The following ZKSCAN1 variants were observed in gnomAD, a reference collection of about 807,000 sequenced individuals.
ZKSCAN1 encodes zinc finger with KRAB and SCAN domains 1.
In ZKSCAN1, 14 loss-of-function variants were observed where a neutral mutation model predicts 51.6. The observed-to-expected ratio is 0.27, with a 90% confidence interval of 0.18 to 0.42. ZKSCAN1 has a LOEUF of 0.42. Among genes scored for constraint, ZKSCAN1 ranks in the 10% least tolerant of loss-of-function variants. The pLI is 1.00. For missense variants in ZKSCAN1, 531 were observed against 710.0 expected (o/e 0.75, Z 2.86); for synonymous variants, 263 against 261.5 (o/e 1.01, Z -0.06).
At chr7:100,022,181 A>G (rs1790619808) in intron 1 of ZKSCAN1, among the ~76,000 whole-genome samples, 2 of 152,158 alleles carry the variant, frequency 1.3e-5, no homozygotes, top group Non-Finnish European at 2.9e-5. Flanking sequence ...CAGCCTCCCA[A>G]GTAGCTGGGA....
At chr7:100,022,888 G>A (rs910041685) in intron 1 of ZKSCAN1, among the ~76,000 whole-genome samples, 2 of 152,148 alleles carry the variant, frequency 1.3e-5, no homozygotes, top group African/African-American at 4.8e-5. Flanking sequence ...CAACCTGCAG[G>A]TAAATCACTC....
Position 100,023,606 on chromosome 7 carries a change from G to A in ZKSCAN1, c.100G>A (p.Glu34Lys). The A allele has an allele frequency of 6.2e-7, 1 of 1,613,976 alleles. No homozygotes were observed. The highest frequency in any genetic ancestry group is 8.5e-7 in the Non-Finnish European group (1 of 1,180,030). The change falls in exon 2 of 6, where the codon GAA becomes AAA. Residue 34 changes from glutamate to lysine, a missense_variant. Glu to Lys is a moderately conservative substitution (Grantham distance 56). Coordinates refer to ENST00000324306, the MANE Select transcript of ZKSCAN1 (RefSeq NM_003439.4). ...AGTGAAGGTGGAAGAGGAAGATGAG[G>A]AAGACCACATGTGGGGGCAGGATTC... ...VIVKVEEEDE[E>K]DHMWGQDSTL... is the part of the protein sequence containing the mutation.
At chr7:100,024,104 T>C (rs1790710703) in intron 2 of ZKSCAN1, 50 bp from the exon 3 acceptor site, 1 of 1,564,834 alleles carries the variant, frequency 6.4e-7, no homozygotes, top group Non-Finnish European at 8.6e-7. Flanking sequence ...AATATTTTAA[T>C]TCCCATTTAC....
intron 1 of ZKSCAN1, among the ~76,000 whole-genome samples, chr7:100,021,116 C>CT (rs60632908): frequency 0.032 from 2,716 of 85,384 alleles, 182 homozygotes; most frequent in African/African-American, 0.084. Context: ...TTTTTTTTTC[C>CT]TTTTTTTTTT....
chr7:100,025,768 A>G lies in ZKSCAN1; in HGVS notation c.580+1461A>G, dbSNP rs556219710. Among the ~76,000 whole-genome samples the G allele has an allele frequency of 4.4e-4, 67 of 152,214 alleles. 1 individual carries two copies. The highest frequency in any genetic ancestry group is 8.8e-4 in the Non-Finnish European group (60 of 68,044). On this transcript the variant is annotated intron_variant, in intron 3 of 5. Coordinates refer to ENST00000324306, the MANE Select transcript of ZKSCAN1 (RefSeq NM_003439.4). Reference sequence around the variant, plus strand: ...GTGGTAAGTATTTGTGTATCTAAACATCGAAAAAGTAAAAACAGAGTATAA... The same window carrying G: ...GTGGTAAGTATTTGTGTATCTAAACGTCGAAAAAGTAAAAACAGAGTATAA...
In ZKSCAN1 at chr7:100,041,078, C is replaced by T; in HGVS notation, c.*6881C>T. On this transcript the variant is annotated 3_prime_UTR_variant, in exon 6 of 6. Coordinates refer to ENST00000324306, the MANE Select transcript of ZKSCAN1 (RefSeq NM_003439.4). Reference sequence around the variant, plus strand: ...AATACAGATTTTACAACGAGGTCAGCATAAGCCTAAATCTATATAGAGGGC... The same window carrying T: ...AATACAGATTTTACAACGAGGTCAGTATAAGCCTAAATCTATATAGAGGGC... The T allele has an allele frequency of 1.1e-6, 1 of 950,780 alleles. No homozygotes were observed. The highest frequency in any genetic ancestry group is 1.3e-6 in the Non-Finnish European group (1 of 798,376). The allele number at this position is 950,780 out of a possible 1,614,324, so 58.9% of individuals were successfully genotyped here. A position where few individuals can be genotyped will look rare whatever the true frequency, so the allele number is the denominator to read the frequency against.
downstream of ZKSCAN1, chr7:100,044,784 C>G: frequency 1.0e-6 from 1 of 984,730 alleles, no homozygotes; most frequent in Non-Finnish European, 1.2e-6. Context: ...ATTTCTTTAG[C>G]AAATGTCTTT....
Position 100,036,910 on chromosome 7 carries a change from G to C in ZKSCAN1, c.*2713G>C. Reference sequence around the variant, plus strand: ...CTTTTGAGTTTTGTTTTTAAATGAAGGTTAAATGTGACCTGTGCCCTCACA... The same window carrying C: ...CTTTTGAGTTTTGTTTTTAAATGAACGTTAAATGTGACCTGTGCCCTCACA... On this transcript the variant is annotated 3_prime_UTR_variant, in exon 6 of 6. Transcript: ENST00000324306. 4 of 984,562 alleles carry C rather than the reference G, an allele frequency of 4.1e-6. No individual in the cohort carries two copies. The highest frequency in any genetic ancestry group is 4.8e-6 in the Non-Finnish European group (4 of 829,796). 61.0% of individuals were successfully genotyped at this position (984,562 alleles called of 1,614,324 possible).
chr7:100,040,696 A>C lies in ZKSCAN1; in HGVS notation c.*6499A>C. On this transcript the variant is annotated 3_prime_UTR_variant, in exon 6 of 6. Transcript: ENST00000324306. ...AACGGCCCCACACTCCAGGCTGAGA[A>C]AGAGTAATTAGGAGGCCTGAGGAGG... 1.0e-6 allele frequency: 1 copy of C among 985,440 alleles called. No individual in the cohort carries two copies. The highest frequency in any genetic ancestry group is 1.2e-6 in the Non-Finnish European group (1 of 829,952). The allele number at this position is 985,440 out of a possible 1,614,324, so 61.0% of individuals were successfully genotyped here. A position where few individuals can be genotyped will look rare whatever the true frequency, so the allele number is the denominator to read the frequency against.
Position 100,023,813 on chromosome 7 carries a change from C to T in ZKSCAN1, c.307C>T (p.Gln103Ter). ...EQILELLVLE[Q>*]FLSILPKELQ... ...GATCCTGGAGCTTCTGGTGCTAGAG[C>T]AGTTTCTTTCCATCCTGCCCAAGGA... The change falls in exon 2 of 6, where the codon CAG becomes TAG. Residue 103 changes from glutamine (Q) to a stop codon, truncating the protein, a stop_gained. Transcript: ENST00000324306. LOFTEE classifies it high-confidence loss of function. 1.9e-6 allele frequency: 3 copies of T among 1,614,188 alleles called. No individual in the cohort carries two copies. The highest frequency in any genetic ancestry group is 2.5e-6 in the Non-Finnish European group (3 of 1,180,034).
intron 3 of ZKSCAN1, among the ~76,000 whole-genome samples, chr7:100,027,439 T>C (rs1790889789): frequency 6.6e-6 from 1 of 152,048 alleles, no homozygotes; most frequent in Non-Finnish European, 1.5e-5. Flanking sequence ...AGGTATGTGC[T>C]AGAGAAAGCT....
chr7:100,016,071 C>T (rs1790347585), intron 1 of ZKSCAN1, among the ~76,000 whole-genome samples: 2 of 152,322 alleles, frequency 1.3e-5, no homozygotes, highest in Admixed American at 6.5e-5. Context: ...GAACCGACCC[C>T]GGTCTTGATT....
chr7:100,042,696 T>C (rs564379613), downstream of ZKSCAN1, among the ~76,000 whole-genome samples: 1 of 151,216 alleles, frequency 6.6e-6, no homozygotes, highest in East Asian at 1.9e-4. Context: ...TATATTTTTA[T>C]TATATATACA....
chr7:100,036,892 G>A lies in ZKSCAN1; in HGVS notation c.*2695G>A. The A allele has an allele frequency of 1.0e-6, 1 of 984,694 alleles. No homozygotes were observed. Among genetic ancestry groups the A allele is most frequent in the Middle Eastern group, 5.2e-4 (1 of 1,914 alleles). 61.0% of individuals were successfully genotyped at this position (984,694 alleles called of 1,614,324 possible). On this transcript the variant is annotated 3_prime_UTR_variant, in exon 6 of 6. Coordinates refer to ENST00000324306, the MANE Select transcript of ZKSCAN1 (RefSeq NM_003439.4). Reference sequence around the variant, plus strand: ...GATATAACTCAGCCATCACTTTTGAGTTTTGTTTTTAAATGAAGGTTAAAT... The same window carrying A: ...GATATAACTCAGCCATCACTTTTGAATTTTGTTTTTAAATGAAGGTTAAAT...
rs1791579123 is a variant in ZKSCAN1, at chr7:100,041,185, T to C, written c.*6988T>C. On this transcript the variant is annotated 3_prime_UTR_variant, in exon 6 of 6. Coordinates refer to ENST00000324306, the MANE Select transcript of ZKSCAN1 (RefSeq NM_003439.4). ...TTTGTCAGTTCCCAGCTTCTTCGTT[T>C]AGAATAAATTAGACCAAAAGAAGAA... 1.4e-6 allele frequency: 1 copy of C among 723,404 alleles called. No homozygotes were observed. Among genetic ancestry groups the C allele is most frequent in the Non-Finnish European group, 1.7e-6 (1 of 590,876 alleles). 44.8% of individuals were successfully genotyped at this position (723,404 alleles called of 1,614,324 possible). A position where few individuals can be genotyped will look rare whatever the true frequency, so the allele number is the denominator to read the frequency against.
chr7:100,027,768 C>A (rs907115605), intron 3 of ZKSCAN1, among the ~76,000 whole-genome samples: 2 of 148,702 alleles, frequency 1.3e-5, no homozygotes, highest in Non-Finnish European at 3.0e-5. Context: ...AAAAAAAACA[C>A]CGGTGCACCG....
At chr7:100,023,262 C>T (rs1790666633) in intron 1 of ZKSCAN1, 157 bp from the exon 2 acceptor site, 8 of 353,034 alleles carry the variant, frequency 2.3e-5, no homozygotes, top group South Asian at 2.0e-4. Flanking sequence ...TGGCCTGCCT[C>T]GGCCTCCCAA....
At chr7:100,026,339 G>A (rs1375291474) in intron 3 of ZKSCAN1, among the ~76,000 whole-genome samples, 2 of 151,882 alleles carry the variant, frequency 1.3e-5, no homozygotes, top group East Asian at 3.9e-4. Flanking sequence ...TGAGTGGTGA[G>A]TGAATGTGAA....
Position 100,036,194 on chromosome 7 carries a change from C to CT in ZKSCAN1, c.*1999dup. On this transcript the variant is annotated 3_prime_UTR_variant, in exon 6 of 6. Transcript: ENST00000324306. ...TAAACCAACTACAACTTCCCTATAGCTTCTAAGCAGTTTCATCAGCATTAC... is the reference window on the plus strand; with the variant it reads ...TAAACCAACTACAACTTCCCTATAGCTTTCTAAGCAGTTTCATCAGCATTAC... 1 of 985,416 alleles carries CT rather than the reference C, an allele frequency of 1.0e-6. No homozygotes were observed. Among genetic ancestry groups the CT allele is most frequent in the Admixed American group, 6.1e-5 (1 of 16,278 alleles). 61.0% of individuals were successfully genotyped at this position (985,416 alleles called of 1,614,324 possible). A position where few individuals can be genotyped will look rare whatever the true frequency, so the allele number is the denominator to read the frequency against.
Sources: allele counts gnomAD v4.1 joint callset (sites outside exome capture counted in the v4.1 genomes callset), GRCh38; gene constraint gnomAD v4.1.1; transcripts MANE v1.5; gene names NCBI Gene and HGNC (gene_info 2026-07-23, HGNC 2026-07-21).